Variants in CASTOR1 observed in about 807,000 individuals in gnomAD.
CASTOR1 encodes the protein cytosolic arginine sensor for mTORC1 subunit 1.
A neutral mutation model predicts 33.7 loss-of-function variants in CASTOR1; 18 were observed. That is an observed-to-expected ratio of 0.53 (90% confidence interval 0.37 to 0.79). The LOEUF (loss-of-function observed/expected upper bound fraction) is 0.79, where lower values mean the gene tolerates loss of function less well. CASTOR1 is among the 30% of genes least tolerant of loss of function. CASTOR1 has a pLI of 0.00. For missense variants in CASTOR1, 362 were observed against 446.3 expected (o/e 0.81, Z 1.70); for synonymous variants, 175 against 190.6 (o/e 0.92, Z 0.67).
rs1601661104 is a variant in CASTOR1 at position 30,285,433 on chromosome 22, A to C, written c.*187T>G. 1 of 557,654 alleles carries C rather than the reference A, an allele frequency of 1.8e-6. No individual in the cohort carries two copies. The highest frequency in any genetic ancestry group is 3.3e-5 in the East Asian group (1 of 30,728). The allele number at this position is 557,654 out of a possible 1,614,324, so 34.5% of individuals were successfully genotyped here. On this transcript the variant is annotated 3_prime_UTR_variant, in exon 9 of 9. Coordinates refer to ENST00000407689, the MANE Select transcript of CASTOR1 (RefSeq NM_001037666.3). ...AGTCAGGCTAGCACCTGCCCACTCC[A>C]CCTGTGAGTGTACACAGGTGTCCGC... is the stretch of plus-strand genomic sequence containing the variant.
At chr22:30,287,835 T>G (rs1229365833) in intron 2 of CASTOR1, 6 of 651,008 alleles carry the variant, frequency 9.2e-6, no homozygotes, top group Non-Finnish European at 1.4e-5. Flanking sequence ...TGACCTGGGG[T>G]GGGTGATTTG....
chr22:30,288,945 T>G (rs1929859756), intron 1 of CASTOR1, 169 bp from the exon 2 acceptor site: 4 of 578,022 alleles, frequency 6.9e-6, no homozygotes, highest in Non-Finnish European at 1.2e-5. Flanking sequence ...TCTCGGGGGT[T>G]GGGGGCTACT....
chr22:30,285,651 A>C lies in CASTOR1; in HGVS notation c.959T>G (p.Leu320Arg). 1 of 1,572,114 alleles carries C rather than the reference A, an allele frequency of 6.4e-7. No individual in the cohort carries two copies. Among genetic ancestry groups the C allele is most frequent in the Non-Finnish European group, 8.6e-7 (1 of 1,159,734 alleles). The change falls in exon 9 of 9, where the codon CTC becomes CGC. Residue 320 changes from leucine (L) to arginine (R), a missense_variant. Transcript: ENST00000407689. Reference sequence around the variant, plus strand: ...AGCCAGGCCTTCCTGCCGCCGCTGGAGGACCTCGATGACGCTGCCGATACC... The same window carrying C: ...AGCCAGGCCTTCCTGCCGCCGCTGGCGGACCTCGATGACGCTGCCGATACC... ...EDGIGSVIEV[L>R]QRRQEGLAS is the part of the protein sequence containing the mutation.
rs773061732 is a variant in CASTOR1, at chr22:30,286,807, C to T, written c.629+18G>A. On this transcript the variant is annotated intron_variant, in intron 5 of 8. Transcript: ENST00000407689. ...GGGAACAGTGCTGTGAGGACAAAGA[C>T]GAAGTTCCAAGGTCCACCTGTGCGA... The T allele has an allele frequency of 4.3e-6, 7 of 1,613,662 alleles. No individual in the cohort carries two copies. The highest frequency in any genetic ancestry group is 5.1e-6 in the Non-Finnish European group (6 of 1,179,886).
chr22:30,289,313 T>C, intron 1 of CASTOR1, 72 bp downstream of exon 1: 1 of 1,123,956 alleles, frequency 8.9e-7, no homozygotes, highest in Non-Finnish European at 1.3e-6. Context: ...GCGATCCTAA[T>C]CCTCCGACCC....
intron 2 of CASTOR1, among the ~76,000 whole-genome samples, 187 bp downstream of exon 2, chr22:30,288,519 C>T (rs1275397452): frequency 6.6e-6 from 1 of 152,078 alleles, no homozygotes; most frequent in African/African-American, 2.4e-5. Flanking sequence ...GAGAAAACAG[C>T]TCAGAGAGGG....
rs534546556 is a variant in CASTOR1 at position 30,285,614 on chromosome 22, T to C, written c.*6A>G. 1.0e-5 allele frequency: 16 copies of C among 1,559,846 alleles called. No individual in the cohort carries two copies. In the South Asian group the frequency reaches 1.5e-4, roughly 15 times the overall value. On this transcript the variant is annotated 3_prime_UTR_variant, in exon 9 of 9. Coordinates refer to ENST00000407689, the MANE Select transcript of CASTOR1 (RefSeq NM_001037666.3). ...AGCAGGGAGGCTGCTCTGTTGCCCA[T>C]GGGCCTCAGGAAGCCAGGCCTTCCT...
chr22:30,287,828 C>T (rs149870035), intron 2 of CASTOR1: 3 of 660,790 alleles, frequency 4.5e-6, no homozygotes, highest in Admixed American at 2.1e-5. Context: ...TGTCTTATGA[C>T]CTGGGGTGGG....
In CASTOR1 at chr22:30,286,359, G is replaced by A. The variant is rs1341863741; in HGVS notation, c.647C>T (p.Ala216Val). The stretch of plus-strand genomic sequence containing the variant: ...GGAGCTGGGTTCAGGACTGCTAGAG[G>A]CTGCCTCCTTGGGGGTGCTGGGGAG... ...FYSHSTPKEA[A>V]SSSPEPSSIT... The change falls in exon 6 of 9, where the codon GCC becomes GTC. Residue 216 changes from alanine (A) to valine (V), a missense_variant. Transcript: ENST00000407689. The A allele has an allele frequency of 6.2e-7, 1 of 1,613,582 alleles. No individual in the cohort carries two copies. The highest frequency in any genetic ancestry group is 2.2e-5 in the East Asian group (1 of 44,876).
rs905015882 is a variant in CASTOR1, at chr22:30,287,605, C to T, written c.185-45G>A. On this transcript the variant is annotated intron_variant, in intron 2 of 8. Coordinates refer to ENST00000407689, the MANE Select transcript of CASTOR1 (RefSeq NM_001037666.3). ...CAGGTCAGGGTCTACAAGGCTGGCC[C>T]CTGCCCCTCTCTGAGCCTCAGTTTC... The T allele has an allele frequency of 2.6e-6, 4 of 1,531,566 alleles. No individual in the cohort carries two copies. In the Admixed American group the frequency reaches 5.8e-5, roughly 22 times the overall value. The allele number at this position is 1,531,566 out of a possible 1,614,324, so 94.9% of individuals were successfully genotyped here. A position where few individuals can be genotyped will look rare whatever the true frequency, so the allele number is the denominator to read the frequency against.
At chr22:30,286,197 C>T in intron 6 of CASTOR1, 66 bp downstream of exon 6, 2 of 1,448,860 alleles carry the variant, frequency 1.4e-6, no homozygotes, top group South Asian at 1.2e-5. Flanking sequence ...GAGTCTGATG[C>T]CCCACCTCCT....
chr22:30,288,679 A>T, intron 2 of CASTOR1, 27 bp downstream of exon 2: 1 of 1,586,472 alleles, frequency 6.3e-7, no homozygotes, highest in Non-Finnish European at 8.6e-7. Context: ...CCCCTCCCGT[A>T]CTCCCGTTCC....
intron 7 of CASTOR1, 24 bp from the exon 8 acceptor site, chr22:30,285,950 C>T (rs1929750341): frequency 1.1e-5 from 17 of 1,589,928 alleles, no homozygotes; most frequent in African/African-American, 5.4e-5. Flanking sequence ...AGGAAGGCCA[C>T]ATGTGGCACA....
chr22:30,288,690 C>T lies in CASTOR1; in HGVS notation c.184+16G>A. 6.2e-7 allele frequency: 1 copy of T among 1,609,168 alleles called. No homozygotes were observed. The highest frequency in any genetic ancestry group is 8.5e-7 in the Non-Finnish European group (1 of 1,177,212). ...CAAGCCCCTCCCGTACTCCCGTTCCCCAGACCAACCCCCACCTTTAAAGCC... is the reference window on the plus strand; with the variant it reads ...CAAGCCCCTCCCGTACTCCCGTTCCTCAGACCAACCCCCACCTTTAAAGCC... On this transcript the variant is annotated intron_variant, in intron 2 of 8. Transcript: ENST00000407689.
rs1929800062 is a variant in CASTOR1 at position 30,287,181 on chromosome 22, C to T, written c.479G>A (p.Ser160Asn). 1.2e-6 allele frequency: 2 copies of T among 1,611,268 alleles called. No individual in the cohort carries two copies. The highest frequency in any genetic ancestry group is 2.2e-5 in the East Asian group (1 of 44,852). The change falls in exon 4 of 9, where the codon AGC becomes AAC. Residue 160 changes from serine to asparagine, a missense_variant. Transcript: ENST00000407689. Reference sequence around the variant, plus strand: ...ATGCTGAGTGCGGGGAAAGCCATTGCTGGAATCATCCCTCGTCACAGGCAC... The same window carrying T: ...ATGCTGAGTGCGGGGAAAGCCATTGTTGGAATCATCCCTCGTCACAGGCAC... The part of the protein sequence containing the change: ...EPVPVTRDDS[S>N]NGFPRTQHGP...
rs868129388 is a variant in CASTOR1 at position 30,287,615 on chromosome 22, T to C, written c.185-55A>G. ...TCTACAAGGCTGGCCCCTGCCCCTCTCTGAGCCTCAGTTTCCCTTTCTGTG... is the reference window on the plus strand; with the variant it reads ...TCTACAAGGCTGGCCCCTGCCCCTCCCTGAGCCTCAGTTTCCCTTTCTGTG... On this transcript the variant is annotated intron_variant, in intron 2 of 8. Transcript: ENST00000407689. 9 of 1,494,870 alleles carry C rather than the reference T, an allele frequency of 6.0e-6. No homozygotes were observed. In the South Asian group the frequency reaches 9.9e-5, roughly 16 times the overall value. The allele number at this position is 1,494,870 out of a possible 1,614,324, so 92.6% of individuals were successfully genotyped here. A position where few individuals can be genotyped will look rare whatever the true frequency, so the allele number is the denominator to read the frequency against.
At chr22:30,288,031 G>T (rs1018920541) in intron 2 of CASTOR1, 4 of 384,060 alleles carry the variant, frequency 1.0e-5, no homozygotes, top group Non-Finnish European at 2.1e-5. Context: ...GGAAACTAAG[G>T]CCTGCAGTGG....
intron 1 of CASTOR1, 141 bp downstream of exon 1, chr22:30,289,244 C>T (rs1929870221): frequency 3.0e-6 from 2 of 667,762 alleles, no homozygotes; most frequent in Non-Finnish European, 5.1e-6. Context: ...GGCCGGATGG[C>T]GGCCGGACGG....
At position 30,286,254 on chromosome 22, in the gene CASTOR1, G is replaced by A. The variant is rs778060456; in HGVS notation, c.743+9C>T. The A allele has an allele frequency of 2.5e-6, 4 of 1,602,008 alleles. No homozygotes were observed. Among genetic ancestry groups the A allele is most frequent in the East Asian group, 2.2e-5 (1 of 44,800 alleles). On this transcript the variant is annotated intron_variant, in intron 6 of 8. Coordinates refer to ENST00000407689, the MANE Select transcript of CASTOR1 (RefSeq NM_001037666.3). ...GCCTGGGGCCCACCCGGGGTCAGGG[G>A]TCACCTACTTTTTCTGTGTTTCAGC... is the stretch of plus-strand genomic sequence containing the variant.
Sources: gnomAD v4.1 joint callset for allele counts (sites outside exome capture counted in the v4.1 genomes callset) on GRCh38, gnomAD v4.1.1 for gene constraint, MANE v1.5 for transcripts, NCBI Gene and HGNC (gene_info 2026-07-23, HGNC 2026-07-21) for gene names.